LHFPL3: variants seen among roughly 807,000 people sequenced by gnomAD.
LHFPL3 encodes LHFPL tetraspan subfamily member 3 protein.
LHFPL3 carries 5 observed loss-of-function variants against 19.3 expected under a neutral mutation model. That is an observed-to-expected ratio of 0.26 (90% CI 0.14 to 0.54). The LOEUF is 0.54. LHFPL3 is among the 20% of genes least tolerant of loss of function. The pLI is 0.94. For missense variants in LHFPL3, 249 were observed against 307.4 expected, an observed-to-expected ratio of 0.81 and a Z score of 1.42; for synonymous variants, 133 against 126.2, an observed-to-expected ratio of 1.05 and a Z score of -0.36.
rs187788593 is a variant in LHFPL3, at chr7:104,749,336, A to C, written c.682+12425A>C. Among the ~76,000 whole-genome samples, 385 of 152,402 alleles carry C rather than the reference A, an allele frequency of 2.5e-3. 1 individual carries two copies. The highest frequency in any genetic ancestry group is 0.022 in the Admixed American group (344 of 15,304). ...TAAAATATCATCAATATAATGAATA[A>C]TATAACAGTCTGAAAACTTGTCTCT... On this transcript the variant is annotated intron_variant, in intron 2 of 2. Coordinates refer to ENST00000424859, the MANE Select transcript of LHFPL3 (RefSeq NM_199000.3).
intron 1 of LHFPL3, among the ~76,000 whole-genome samples, chr7:104,395,227 CAAGG>C (rs545997653): frequency 1.3e-3 from 195 of 152,274 alleles, no homozygotes; most frequent in Non-Finnish European, 2.2e-3. Context: ...AATTAACAAA[CAAGG>C]AACATGTAAA....
intron 1 of LHFPL3, among the ~76,000 whole-genome samples, chr7:104,545,811 A>G (rs1464825894): frequency 6.6e-6 from 1 of 152,206 alleles, no homozygotes; most frequent in African/African-American, 2.4e-5. Context: ...TTGAAGAGCA[A>G]AAAAACTGCT....
intron 2 of LHFPL3, among the ~76,000 whole-genome samples, chr7:104,762,513 T>A (rs1157936488): frequency 2.6e-5 from 4 of 152,060 alleles, no homozygotes; most frequent in African/African-American, 9.7e-5. Flanking sequence ...ACGTGGATCC[T>A]GGCAAGGACA....
intron 1 of LHFPL3, among the ~76,000 whole-genome samples, chr7:104,348,688 C>A (rs1326597795): frequency 2.0e-5 from 3 of 152,140 alleles, no homozygotes; most frequent in Non-Finnish European, 4.4e-5. Flanking sequence ...AAAAGAAATT[C>A]TTTTTGTTCT....
chr7:104,341,362 A>C (rs1454900666), intron 1 of LHFPL3, among the ~76,000 whole-genome samples: 1 of 152,234 alleles, frequency 6.6e-6, no homozygotes, highest in Non-Finnish European at 1.5e-5. Context: ...GTTCATTTTA[A>C]AGTCATCAGT....
intron 1 of LHFPL3, among the ~76,000 whole-genome samples, chr7:104,462,260 C>T (rs905227058): frequency 6.6e-6 from 1 of 152,160 alleles, no homozygotes; most frequent in Non-Finnish European, 1.5e-5. Flanking sequence ...TTGCTCTGGC[C>T]AGGACTTCCA....
intron 1 of LHFPL3, among the ~76,000 whole-genome samples, chr7:104,491,837 C>T (rs1370488790): frequency 6.6e-6 from 1 of 152,092 alleles, no homozygotes; most frequent in Admixed American, 6.5e-5. Context: ...AAACATTTTC[C>T]CATCCAAATT....
chr7:104,391,648 G>A (rs1791071069), intron 1 of LHFPL3, among the ~76,000 whole-genome samples: 1 of 152,136 alleles, frequency 6.6e-6, no homozygotes, highest in African/African-American at 2.4e-5. Context: ...TTTTGGCTTA[G>A]GATTGCCTTG....
intron 2 of LHFPL3, among the ~76,000 whole-genome samples, chr7:104,743,481 T>C (rs567197352): frequency 3.9e-5 from 6 of 152,366 alleles, no homozygotes; most frequent in African/African-American, 4.8e-5. Context: ...AAAGTATTTC[T>C]TTAAAATATT....
At chr7:104,330,138 GAAGAGT>G (rs1460319576) in intron 1 of LHFPL3, among the ~76,000 whole-genome samples, 1 of 152,162 alleles carries the variant, frequency 6.6e-6, no homozygotes, top group Non-Finnish European at 1.5e-5. Context: ...TGGTGACTTT[GAAGAGT>G]CCTGAAACAA....
chr7:104,455,456 C>A (rs1157841612), intron 1 of LHFPL3, among the ~76,000 whole-genome samples: 1 of 152,178 alleles, frequency 6.6e-6, no homozygotes, highest in African/African-American at 2.4e-5. Flanking sequence ...CGTGGCAGCT[C>A]ACACCTGTAA....
At chr7:104,495,191 T>G (rs796326092) in intron 1 of LHFPL3, among the ~76,000 whole-genome samples, 1 of 152,124 alleles carries the variant, frequency 6.6e-6, no homozygotes, top group South Asian at 2.1e-4. Context: ...AGTCACTACC[T>G]TCTTTGGGCT....
chr7:104,567,821 T>C (rs1790152213), intron 1 of LHFPL3, among the ~76,000 whole-genome samples: 1 of 152,208 alleles, frequency 6.6e-6, no homozygotes, highest in Non-Finnish European at 1.5e-5. Flanking sequence ...ATAGTGCTAC[T>C]GCAGAACTAA....
chr7:104,704,829 T>A (rs772866085), intron 1 of LHFPL3, among the ~76,000 whole-genome samples: 3 of 152,124 alleles, frequency 2.0e-5, no homozygotes, highest in Admixed American at 6.6e-5. Context: ...AGCAACAGGG[T>A]CTCACTTTGT....
At chr7:104,889,046 T>C (rs952576914) in intron 2 of LHFPL3, among the ~76,000 whole-genome samples, 1 of 152,138 alleles carries the variant, frequency 6.6e-6, no homozygotes, top group Non-Finnish European at 1.5e-5. Context: ...TACCTATTAT[T>C]TAAACTCACA....
intron 1 of LHFPL3, among the ~76,000 whole-genome samples, chr7:104,570,838 G>A (rs960082997): frequency 9.9e-5 from 15 of 152,060 alleles, no homozygotes; most frequent in Non-Finnish European, 1.6e-4. Context: ...TCCCCAATAG[G>A]CCGTACTTAG....
At chr7:104,710,336 A>AT (rs1234074236) in intron 1 of LHFPL3, among the ~76,000 whole-genome samples, 2 of 152,038 alleles carry the variant, frequency 1.3e-5, no homozygotes, top group Non-Finnish European at 2.9e-5. Flanking sequence ...TGATTTTTGC[A>AT]TTTTTTCTGA....
chr7:104,888,746 T>C (rs1792193869), intron 2 of LHFPL3, among the ~76,000 whole-genome samples: 1 of 152,234 alleles, frequency 6.6e-6, no homozygotes, highest in African/African-American at 2.4e-5. Context: ...CAACAATGCA[T>C]GGACAATCAT....
At chr7:104,688,446 T>C (rs906104440) in intron 1 of LHFPL3, among the ~76,000 whole-genome samples, 6 of 152,044 alleles carry the variant, frequency 3.9e-5, no homozygotes, top group African/African-American at 1.4e-4. Flanking sequence ...AGGGCGTTGA[T>C]TGGAAAAGAA....
Sources: gnomAD v4.1 joint callset for allele counts (sites outside exome capture counted in the v4.1 genomes callset) on GRCh38, gnomAD v4.1.1 for gene constraint, MANE v1.5 for transcripts, NCBI Gene and HGNC (gene_info 2026-07-23, HGNC 2026-07-21) for gene names.